The following FBRSL1 variants were observed in gnomAD, a reference collection of about 807,000 sequenced individuals.
FBRSL1 encodes fibrosin like 1, also known as fibrosin-1-like protein.
Under a neutral mutation model 89.6 loss-of-function variants are expected in FBRSL1, and 51 were observed. The ratio of observed to expected loss-of-function variants is 0.57; its 90% CI spans 0.45 to 0.72. FBRSL1 has a LOEUF of 0.72. Among genes scored for constraint, FBRSL1 ranks in the 30% least tolerant of loss-of-function variants. The pLI, the probability that FBRSL1 is intolerant of heterozygous loss-of-function variation, is 0.00. For synonymous variants in FBRSL1, 779 were observed against 681.1 expected (o/e 1.14, Z -2.24); for missense variants, 1,618 against 1,451.8 (o/e 1.11, Z -1.86).
intron 1 of FBRSL1, among the ~76,000 whole-genome samples, chr12:132,497,339 G>A (rs1228431321): frequency 6.6e-6 from 1 of 152,064 alleles, no homozygotes; most frequent in Admixed American, 6.5e-5. Context: ...GGAGCCCGGG[G>A]TGGCCTGGCT....
chr12:132,506,463 C>T lies in FBRSL1; in HGVS notation c.292-1690C>T, dbSNP rs79484587. 1.8e-4 allele frequency among the ~76,000 whole-genome samples: 27 copies of T among 152,342 alleles called. No individual in the cohort carries two copies. In the East Asian group the frequency reaches 5.0e-3, roughly 28 times the overall value. ...TCCTCAGATCTGCCCTCTGCCTGTCCCCTCTGACTCTTTGCCCAGTAGAAA... is the reference window on the plus strand; with the variant it reads ...TCCTCAGATCTGCCCTCTGCCTGTCTCCTCTGACTCTTTGCCCAGTAGAAA... On this transcript the variant is annotated intron_variant, in intron 1 of 18. Transcript: ENST00000680143.
rs180957597 is a variant in FBRSL1 at position 132,519,058 on chromosome 12, G to A, written c.490-6676G>A. Among the ~76,000 whole-genome samples the A allele has an allele frequency of 3.0e-3, 461 of 152,370 alleles. 2 individuals are homozygous for A. Among genetic ancestry groups the A allele is most frequent in the African/African-American group, 0.01 (422 of 41,582 alleles). On this transcript the variant is annotated intron_variant, in intron 2 of 18. Coordinates refer to ENST00000680143, the MANE Select transcript of FBRSL1 (RefSeq NM_001367871.1). Reference sequence around the variant, plus strand: ...GTGGAGCAGCGTACTGGAGTGTCCCGCACTGGGCGGGCAGTACCCTGCTCC... The same window carrying A: ...GTGGAGCAGCGTACTGGAGTGTCCCACACTGGGCGGGCAGTACCCTGCTCC...
intron 4 of FBRSL1, among the ~76,000 whole-genome samples, chr12:132,536,976 A>C (rs1455383700): frequency 6.6e-6 from 1 of 152,146 alleles, no homozygotes; most frequent in African/African-American, 2.4e-5. Context: ...CAGTGAGGCC[A>C]GGGGCTCTGC....
At chr12:132,521,923 G>A (rs1014496370) in intron 2 of FBRSL1, among the ~76,000 whole-genome samples, 10 of 152,198 alleles carry the variant, frequency 6.6e-5, no homozygotes, top group Non-Finnish European at 1.2e-4. Flanking sequence ...GCCTTGGGGC[G>A]GGTCTGGGGA....
At chr12:132,495,211 T>TG (rs1374476012) in intron 1 of FBRSL1, among the ~76,000 whole-genome samples, 4 of 152,320 alleles carry the variant, frequency 2.6e-5, no homozygotes, top group Admixed American at 2.0e-4. Context: ...GAGCCCCTAG[T>TG]GGGCCTGGTG....
intron 2 of FBRSL1, chr12:132,511,077 CT>C: frequency 1.0e-6 from 1 of 985,736 alleles, no homozygotes; most frequent in Non-Finnish European, 1.2e-6. Context: ...AGTCCAGGCC[CT>C]CCCCCTGGTA....
intron 16 of FBRSL1, 56 bp from the exon 17 acceptor site, chr12:132,581,685 G>A (rs1375208415): frequency 7.5e-5 from 115 of 1,532,012 alleles, no homozygotes; most frequent in Non-Finnish European, 9.6e-5. Flanking sequence ...ACTGGGCCAG[G>A]TGGGAGCCGC....
chr12:132,508,097 G>A (rs1314587086), intron 1 of FBRSL1, 56 bp from the exon 2 acceptor site: 2 of 1,460,088 alleles, frequency 1.4e-6, no homozygotes, highest in African/African-American at 1.4e-5. Context: ...GTGCTGTCCT[G>A]GGCCCAAGGC....
intron 5 of FBRSL1, chr12:132,551,493 G>A (rs1205151727): frequency 4.4e-6 from 2 of 456,178 alleles, no homozygotes; most frequent in African/African-American, 2.0e-5. Flanking sequence ...GGAGTGGTGG[G>A]GAGGGCGCGG....
chr12:132,538,991 C>T (rs1049023935), intron 4 of FBRSL1, among the ~76,000 whole-genome samples: 1 of 152,074 alleles, frequency 6.6e-6, no homozygotes, highest in Non-Finnish European at 1.5e-5. Context: ...AGCCTGGATT[C>T]AGGATTCAGA....
chr12:132,574,625 T>C, intron 14 of FBRSL1, 61 bp downstream of exon 14: 1 of 1,522,494 alleles, frequency 6.6e-7, no homozygotes, highest in South Asian at 1.3e-5. Flanking sequence ...GGTCGGGCCC[T>C]GAAGGCCAGG....
chr12:132,574,496 C>G lies in FBRSL1; in HGVS notation c.1633C>G (p.Pro545Ala). The G allele has an allele frequency of 6.5e-7, 1 of 1,550,042 alleles. No individual in the cohort carries two copies. The highest frequency in any genetic ancestry group is 8.7e-7 in the Non-Finnish European group (1 of 1,146,728). ...SDPYRAVVKKPGRWCAVHVQI... is the reference protein window; with the variant it reads ...SDPYRAVVKKAGRWCAVHVQI... Reference sequence around the variant, plus strand: ...GAGCGCTTCCATCCTGTCGCAGAAGCCGGGGAGGTGGTGTGCCGTGCACGT... The same window carrying G: ...GAGCGCTTCCATCCTGTCGCAGAAGGCGGGGAGGTGGTGTGCCGTGCACGT... Residue 545 changes from proline to alanine, a missense_variant, in exon 14 of 19, where the codon CCG (proline) becomes GCG (alanine). Transcript: ENST00000680143.
At chr12:132,554,609 T>G (rs1593467861) in intron 5 of FBRSL1, 1 of 151,578 alleles carries the variant, frequency 6.6e-6, no homozygotes, top group African/African-American at 2.4e-5. Context: ...AGGTCAGGAG[T>G]TCAAGACCAG....
rs61529021 is a variant in FBRSL1 at position 132,525,817 on chromosome 12, C to T, written c.573C>T (p.Leu191=). 23,109 of 1,548,844 alleles carry T rather than the reference C, an allele frequency of 0.015. 422 individuals carry two copies. The highest frequency in any genetic ancestry group is 0.12 in the East Asian group (4,805 of 40,856). ...AAGCCACCAGCTCCCGGGACCCGCT[C>T]AGCGATGTGAGTACCCAGCTGCCCG... ...VLEATSSRDP[L]SDSSAHAVSG... The change falls in exon 3 of 19, where the codon CTC becomes CTT. Residue 191 remains leucine (L), a synonymous_variant. Coordinates refer to ENST00000680143, the MANE Select transcript of FBRSL1 (RefSeq NM_001367871.1).
chr12:132,557,078 G>GA (rs934033488), intron 5 of FBRSL1, among the ~76,000 whole-genome samples: 1 of 152,216 alleles, frequency 6.6e-6, no homozygotes, highest in Non-Finnish European at 1.5e-5. Flanking sequence ...GCATGGCTGA[G>GA]AGGACCCTGT....
chr12:132,582,108 C>T lies in FBRSL1; in HGVS notation c.2043C>T (p.His681=), dbSNP rs761586646. ...IFAPKEGSSV[H]GLPSPHEAWN... is the part of the protein sequence containing the mutation. The stretch of plus-strand genomic sequence containing the variant: ...CCCCCAAGGAGGGCTCCTCCGTGCA[C>T]GGCCTGCCCAGCCCCCATGAGGCCT... The change falls in exon 18 of 19, where the codon CAC becomes CAT. Residue 681 remains histidine (H), a synonymous_variant. Transcript: ENST00000680143. 1.1e-4 allele frequency: 164 copies of T among 1,549,744 alleles called. 1 individual carries two copies. The highest frequency in any genetic ancestry group is 1.3e-4 in the Non-Finnish European group (146 of 1,146,664).
rs565784725 is a variant in FBRSL1 at position 132,491,934 on chromosome 12, G to T, written c.291+1073G>T. On this transcript the variant is annotated intron_variant, in intron 1 of 18. Transcript: ENST00000680143. ...GGCTCCTGTGGGCCCAGGACGGGGT[G>T]GGTGGTGGCCAGGCTCATCACACAG... is the stretch of plus-strand genomic sequence containing the variant. Among the ~76,000 whole-genome samples the T allele has an allele frequency of 4.6e-5, 7 of 152,338 alleles. No individual in the cohort carries two copies. In the South Asian group the frequency reaches 1.4e-3, roughly 32 times the overall value.
At chr12:132,527,031 A>G (rs12424152) in intron 3 of FBRSL1, among the ~76,000 whole-genome samples, 14 of 152,110 alleles carry the variant, frequency 9.2e-5, no homozygotes, top group South Asian at 2.1e-4. Flanking sequence ...GGGGGCCCCT[A>G]GCTGCCCCTG....
intron 5 of FBRSL1, chr12:132,565,394 C>T (rs915137831): frequency 4.6e-5 from 7 of 152,232 alleles, no homozygotes; most frequent in African/African-American, 1.7e-4. Context: ...ATGTGATGCT[C>T]ATGTAAACAA....
Sources: gnomAD v4.1 joint callset for allele counts (sites outside exome capture counted in the v4.1 genomes callset) on GRCh38, gnomAD v4.1.1 for gene constraint, MANE v1.5 for transcripts, NCBI Gene and HGNC (gene_info 2026-07-23, HGNC 2026-07-21) for gene names.